BMAL1: variants seen among roughly 807,000 people sequenced by gnomAD.
BMAL1 encodes basic helix-loop-helix ARNT-like protein 1.
At chr11:13,309,900 C>G in the BMAL1 span, 1 of 152,612 alleles carries the variant, frequency 6.6e-6, no homozygotes, top group East Asian at 1.9e-4. Flanking sequence ...GGCAAAGAAG[C>G]AGAATGGGCA....
At chr11:13,350,044 T>A in the BMAL1 span, 1 of 152,148 alleles carries the variant, frequency 6.6e-6, no homozygotes, top group Non-Finnish European at 1.5e-5. Context: ...CCAAGCTGGA[T>A]CTGGGGTGTA....
the BMAL1 span, among the ~76,000 whole-genome samples, chr11:13,332,887 T>C: frequency 6.6e-6 from 1 of 151,948 alleles, no homozygotes; most frequent in Admixed American, 6.6e-5. Flanking sequence ...GTCACGGTCA[T>C]AGCCCATGGA....
the BMAL1 span, among the ~76,000 whole-genome samples, chr11:13,362,261 TG>T: frequency 1.3e-5 from 2 of 152,252 alleles, no homozygotes; most frequent in African/African-American, 4.8e-5. Context: ...CTGTATCATT[TG>T]GGGCAGCTGC....
the BMAL1 span, among the ~76,000 whole-genome samples, chr11:13,333,105 T>C: frequency 2.6e-5 from 4 of 152,134 alleles, no homozygotes; most frequent in Admixed American, 2.6e-4. Flanking sequence ...TAGCTGGGAT[T>C]ACAGGTACAT....
At chr11:13,382,362 CCTAGTTTTCTTTATAATGGAG>C in the BMAL1 span, among the ~76,000 whole-genome samples, 1 of 152,086 alleles carries the variant, frequency 6.6e-6, no homozygotes, top group South Asian at 2.1e-4. Flanking sequence ...ACTTTCAAGC[CCTAGTTTTCTTTATAATGGAG>C]CTAATAATGG....
At chr11:13,330,656 A>T in the BMAL1 span, among the ~76,000 whole-genome samples, 35 of 152,228 alleles carry the variant, frequency 2.3e-4, no homozygotes, top group Non-Finnish European at 4.3e-4. Context: ...CCCTGTCTAA[A>T]TTAGGAGATG....
chr11:13,357,027 T>C, the BMAL1 span: 1 of 1,614,184 alleles, frequency 6.2e-7, no homozygotes, highest in Non-Finnish European at 8.5e-7. This position sits in a 1 kb window ranked among gnomAD's most constrained non-coding sequence, Gnocchi z 4.8. Flanking sequence ...GAATTATGTT[T>C]TTATCTTTTG....
At chr11:13,281,833 GT>G in the BMAL1 span, among the ~76,000 whole-genome samples, 5 of 152,152 alleles carry the variant, frequency 3.3e-5, no homozygotes, top group African/African-American at 4.8e-5. Context: ...TACCTCACTT[GT>G]TTTTTGTCCT....
At chr11:13,375,286 G>T in the BMAL1 span, among the ~76,000 whole-genome samples, 2 of 152,242 alleles carry the variant, frequency 1.3e-5, no homozygotes, top group Non-Finnish European at 2.9e-5. Flanking sequence ...GATAAAGCAT[G>T]ACATTTTGGA....
At chr11:13,295,863 G>T in the BMAL1 span, among the ~76,000 whole-genome samples, 1 of 152,084 alleles carries the variant, frequency 6.6e-6, no homozygotes, top group Non-Finnish European at 1.5e-5. Context: ...TGTTTTCAGG[G>T]AACAATTTTA....
chr11:13,290,503 C>A, the BMAL1 span, among the ~76,000 whole-genome samples: 1 of 152,114 alleles, frequency 6.6e-6, no homozygotes, highest in African/African-American at 2.4e-5. Context: ...TACCTGGCTG[C>A]AAAGCCTGAC....
the BMAL1 span, among the ~76,000 whole-genome samples, chr11:13,290,061 T>A: frequency 6.6e-6 from 1 of 152,250 alleles, no homozygotes; most frequent in Non-Finnish European, 1.5e-5. Context: ...CCTGACTTTT[T>A]AATGATCACC....
At chr11:13,318,026 G>A in the BMAL1 span, among the ~76,000 whole-genome samples, 1 of 152,208 alleles carries the variant, frequency 6.6e-6, no homozygotes, top group African/African-American at 2.4e-5. Context: ...CAAAGGTCTA[G>A]TGGGCCTGGG....
the BMAL1 span, among the ~76,000 whole-genome samples, chr11:13,314,453 C>T: frequency 6.6e-6 from 1 of 152,212 alleles, no homozygotes; most frequent in East Asian, 1.9e-4. Context: ...TTCTTGTCAG[C>T]TTTGAGTGCA....
chr11:13,287,510 A>G, the BMAL1 span, among the ~76,000 whole-genome samples: 1 of 152,248 alleles, frequency 6.6e-6, no homozygotes, highest in Non-Finnish European at 1.5e-5. Flanking sequence ...CAGTGTCTGT[A>G]CAGAAAAGTC....
the BMAL1 span, among the ~76,000 whole-genome samples, chr11:13,307,134 A>C: frequency 6.6e-6 from 1 of 152,148 alleles, no homozygotes. Context: ...TTTAAAGGAG[A>C]AGGCAGACAA....
the BMAL1 span, among the ~76,000 whole-genome samples, chr11:13,286,181 C>T: frequency 6.6e-6 from 1 of 152,196 alleles, no homozygotes; most frequent in African/African-American, 2.4e-5. Flanking sequence ...AGTCGTCAAG[C>T]CTTCTGCTGG....
At chr11:13,384,178 A>G in the BMAL1 span, among the ~76,000 whole-genome samples, 2 of 152,198 alleles carry the variant, frequency 1.3e-5, no homozygotes, top group African/African-American at 2.4e-5. Context: ...TTTGTTGCCA[A>G]TGATAAAATC....
At chr11:13,317,312 A>C in the BMAL1 span, among the ~76,000 whole-genome samples, 1 of 152,266 alleles carries the variant, frequency 6.6e-6, no homozygotes, top group South Asian at 2.1e-4. Flanking sequence ...TTTGTCTTTG[A>C]AAAAAATGCT....
Sources: allele counts gnomAD v4.1 joint callset (sites outside exome capture counted in the v4.1 genomes callset), GRCh38; gene constraint gnomAD v4.1.1; non-coding constraint Gnocchi (gnomAD v3.1); transcripts MANE v1.5; gene names NCBI Gene and HGNC (gene_info 2026-07-23, HGNC 2026-07-21).